FOXO1: variants seen among roughly 807,000 people sequenced by gnomAD.
FOXO1 encodes forkhead box protein O1.
A neutral mutation model predicts 44.1 loss-of-function variants in FOXO1; 6 were observed. The ratio of observed to expected loss-of-function variants is 0.14; its 90% CI spans 0.07 to 0.27. The LOEUF (loss-of-function observed/expected upper bound fraction) is 0.27, where lower values mean the gene tolerates loss of function less well. Ranked by LOEUF, FOXO1 falls within the 10% of genes least tolerant of loss-of-function variation. The pLI, the probability that FOXO1 is intolerant of heterozygous loss-of-function variation, is 1.00. For synonymous variants in FOXO1, 380 were observed against 362.7 expected (o/e 1.05, Z -0.54); for missense variants, 737 against 888.8 (o/e 0.83, Z 2.17).
intron 1 of FOXO1, among the ~76,000 whole-genome samples, chr13:40,626,790 T>C (rs1876800701): frequency 6.6e-6 from 1 of 152,204 alleles, no homozygotes; most frequent in African/African-American, 2.4e-5. Flanking sequence ...CCAGTCTCAA[T>C]TCCTTAAAGC....
chr13:40,592,089 T>C (rs1431149608), intron 1 of FOXO1, among the ~76,000 whole-genome samples: 1 of 152,218 alleles, frequency 6.6e-6, no homozygotes, highest in Non-Finnish European at 1.5e-5. Flanking sequence ...TCACTACACT[T>C]GAATTCTCAC....
In FOXO1 at chr13:40,560,410, T is replaced by C; in HGVS notation, c.1081A>G (p.Ser361Gly). 6.2e-7 allele frequency: 1 copy of C among 1,614,212 alleles called. No individual in the cohort carries two copies. Among genetic ancestry groups the C allele is most frequent in the Non-Finnish European group, 8.5e-7 (1 of 1,180,044 alleles). ...TCGGGATTGCTTATCTCAGACAGAC[T>C]GGGTAAAGTAGAGGCCATCTTTGCG... is the stretch of plus-strand genomic sequence containing the variant. ...SAAKMASTLP[S>G]LSEISNPENM... Residue 361 changes from serine (S) to glycine (G), a missense_variant, in exon 2 of 3, where the codon AGT (serine) becomes GGT (glycine). Physicochemically the swap from Ser to Gly is moderately conservative, Grantham distance 56 (BLOSUM62 0). This residue lies in a region of FOXO1 where 136 missense variants were observed against 186.4 expected (regional missense o/e 0.73). Transcript: ENST00000379561. This position sits in a 1 kb window ranked among gnomAD's most constrained non-coding sequence, Gnocchi z 5.1.
rs1873832759 is a variant in FOXO1 at position 40,558,230 on chromosome 13, G to GT, written c.*818dup. The GT allele has an allele frequency of 6.6e-6, 1 of 152,580 alleles. No individual in the cohort carries two copies. The highest frequency in any genetic ancestry group is 1.5e-5 in the Non-Finnish European group (1 of 68,026). 9.5% of individuals were successfully genotyped at this position (152,580 alleles called of 1,614,324 possible). On this transcript the variant is annotated 3_prime_UTR_variant, in exon 3 of 3. Coordinates refer to ENST00000379561, the MANE Select transcript of FOXO1 (RefSeq NM_002015.4). ...TGACTATGTAACAAAGTAGACTCTAGTTTTAAGAAAACATTATTACAGTTC... is the reference window on the plus strand; with the variant it reads ...TGACTATGTAACAAAGTAGACTCTAGTTTTTAAGAAAACATTATTACAGTTC...
chr13:40,587,453 A>G (rs1260749608), intron 1 of FOXO1, among the ~76,000 whole-genome samples: 1 of 152,182 alleles, frequency 6.6e-6, no homozygotes, highest in Non-Finnish European at 1.5e-5. Flanking sequence ...TCAAATACAA[A>G]TAAGAAAAAA....
At chr13:40,665,458 G>T in intron 1 of FOXO1, 125 bp downstream of exon 1, 1 of 847,420 alleles carries the variant, frequency 1.2e-6, no homozygotes, top group Non-Finnish European at 1.6e-6. Context: ...ACCGCTTCTC[G>T]CCCGCCCTCC....
At chr13:40,650,232 A>G (rs1361407889) in intron 1 of FOXO1, among the ~76,000 whole-genome samples, 3 of 152,202 alleles carry the variant, frequency 2.0e-5, no homozygotes, top group African/African-American at 4.8e-5. Flanking sequence ...CAGTGAGAAC[A>G]ACCAGAGGTC....
chr13:40,602,348 A>G (rs533561082), intron 1 of FOXO1, among the ~76,000 whole-genome samples: 138 of 152,356 alleles, frequency 9.1e-4, no homozygotes, highest in African/African-American at 3.1e-3. Flanking sequence ...AGGAATAGGT[A>G]TATGAGATAA....
At chr13:40,564,333 A>G (rs772093596) in intron 1 of FOXO1, among the ~76,000 whole-genome samples, 1 of 152,012 alleles carries the variant, frequency 6.6e-6, no homozygotes, top group Non-Finnish European at 1.5e-5. Context: ...ATCATATTAC[A>G]TATTTTTCTA....
At chr13:40,660,987 C>A (rs977643320) in intron 1 of FOXO1, among the ~76,000 whole-genome samples, 21 of 140,764 alleles carry the variant, frequency 1.5e-4, no homozygotes, top group East Asian at 6.7e-4. Context: ...ACAACAACAA[C>A]AAAAATGAGA....
At chr13:40,580,282 A>G (rs776580385) in intron 1 of FOXO1, among the ~76,000 whole-genome samples, 6 of 152,224 alleles carry the variant, frequency 3.9e-5, no homozygotes, top group African/African-American at 1.2e-4. Context: ...TAACCAAATA[A>G]TAAGTTGTAG....
intron 1 of FOXO1, among the ~76,000 whole-genome samples, chr13:40,585,343 G>GCACACACACACACACA (rs1555248752): frequency 7.7e-4 from 113 of 147,128 alleles, no homozygotes; most frequent in East Asian, 4.1e-3. Context: ...CTGCGCGCGC[G>GCACACACACACACACA]CACACACACA....
In FOXO1 at chr13:40,665,819, A is replaced by G; in HGVS notation, c.394T>C (p.Ser132Pro). 1 of 1,199,130 alleles carries G rather than the reference A, an allele frequency of 8.3e-7. No individual in the cohort carries two copies. Among genetic ancestry groups the G allele is most frequent in the Non-Finnish European group, 1.0e-6 (1 of 962,838 alleles). 74.3% of individuals were successfully genotyped at this position (1,199,130 alleles called of 1,614,324 possible). ...PPQPPPPGPL[S>P]QHPPVPPAAA... ...GCGGGGGGCACCGGCGGGTGCTGCGACAGCGGCCCGGGCGGCGGGGGCTGC... is the reference window on the plus strand; with the variant it reads ...GCGGGGGGCACCGGCGGGTGCTGCGGCAGCGGCCCGGGCGGCGGGGGCTGC... The change falls in exon 1 of 3, where the codon TCG (serine) becomes CCG (proline). Residue 132 changes from serine (S) to proline (P), a missense_variant. Ser to Pro is a moderately conservative substitution (Grantham distance 74). Around this residue, in one of 7 missense-constraint regions of FOXO1, gnomAD observed 213 missense variants for 236.4 expected, o/e 0.90. Transcript: ENST00000379561.
chr13:40,561,481 C>T (rs188253471), intron 1 of FOXO1, among the ~76,000 whole-genome samples: 9 of 151,808 alleles, frequency 5.9e-5, no homozygotes, highest in East Asian at 3.9e-4. Flanking sequence ...TTTTAATAAC[C>T]GCTTAAATTT....
chr13:40,575,304 G>A (rs1874702791), intron 1 of FOXO1, among the ~76,000 whole-genome samples: 1 of 152,142 alleles, frequency 6.6e-6, no homozygotes, highest in Admixed American at 6.5e-5. Flanking sequence ...TCACAACAAT[G>A]CACTCTAGCC....
intron 1 of FOXO1, among the ~76,000 whole-genome samples, chr13:40,602,286 A>T (rs1348981463): frequency 6.6e-6 from 1 of 152,222 alleles, no homozygotes; most frequent in Non-Finnish European, 1.5e-5. Context: ...ATGGCATTTA[A>T]ATTAGTCATT....
intron 1 of FOXO1, among the ~76,000 whole-genome samples, chr13:40,626,616 A>C (rs1876793206): frequency 6.6e-6 from 1 of 152,214 alleles, no homozygotes; most frequent in African/African-American, 2.4e-5. Flanking sequence ...AGGCTACATA[A>C]CAAAGTTGGT....
chr13:40,584,059 T>C (rs1196090728), intron 1 of FOXO1, among the ~76,000 whole-genome samples: 1 of 152,072 alleles, frequency 6.6e-6, no homozygotes. Flanking sequence ...GTCTCAGGGA[T>C]AGGGAACCCT....
intron 1 of FOXO1, among the ~76,000 whole-genome samples, chr13:40,659,442 T>C (rs1380017619): frequency 1.3e-5 from 2 of 151,028 alleles, no homozygotes; most frequent in Non-Finnish European, 2.9e-5. Context: ...CACAGGCTAA[T>C]TCCCTAAACA....
At chr13:40,628,264 T>A (rs28553411) in intron 1 of FOXO1, among the ~76,000 whole-genome samples, 18,510 of 151,916 alleles carry the variant, frequency 0.12, 1,989 homozygotes, top group East Asian at 0.39. Context: ...AGCGTGGTGA[T>A]GTTTCACAAG....
Sources: allele counts gnomAD v4.1 joint callset (sites outside exome capture counted in the v4.1 genomes callset), GRCh38; gene constraint gnomAD v4.1.1; regional missense constraint gnomAD v4.1.1; non-coding constraint Gnocchi (gnomAD v3.1); transcripts MANE v1.5; gene names NCBI Gene and HGNC (gene_info 2026-07-23, HGNC 2026-07-21).